Variants in STAC observed in about 807,000 individuals in gnomAD.
The protein encoded by STAC is SH3 and cysteine-rich domain-containing protein.
In STAC, 43 loss-of-function variants were observed where a neutral mutation model predicts 48.8. That is an observed-to-expected ratio of 0.88 (90% confidence interval 0.69 to 1.14). The LOEUF is 1.14. Among genes scored for constraint, STAC ranks in the 50% most tolerant of loss-of-function variants. The pLI is 0.00. For missense variants in STAC, 497 were observed against 504.0 expected (o/e 0.99, Z 0.13); for synonymous variants, 193 against 179.5 (o/e 1.07, Z -0.60).
At chr3:36,468,460 C>A (rs1407075635) in intron 2 of STAC, among the ~76,000 whole-genome samples, 1 of 151,820 alleles carries the variant, frequency 6.6e-6, no homozygotes, top group African/African-American at 2.4e-5. Flanking sequence ...TGTTGACTTT[C>A]TGTCTTAATG....
chr3:36,405,243 T>C (rs1700068115), intron 1 of STAC, among the ~76,000 whole-genome samples: 1 of 152,074 alleles, frequency 6.6e-6, no homozygotes, highest in African/African-American at 2.4e-5. Context: ...CAGCTTTATC[T>C]CCATTCCTAC....
chr3:36,392,553 A>C (rs1490728691), intron 1 of STAC, among the ~76,000 whole-genome samples: 1 of 152,050 alleles, frequency 6.6e-6, no homozygotes, highest in Non-Finnish European at 1.5e-5. Flanking sequence ...TATTTAGTAG[A>C]GATGAGGTCT....
At position 36,528,670 on chromosome 3, in the gene STAC, C is replaced by T. The variant is rs113455666; in HGVS notation, c.921-26C>T. ...GTTATTTTTCTTTTTTTTTCCTTTA[C>T]CTAACTCATTCATTCTTCATTTTAG... is the stretch of plus-strand genomic sequence containing the variant. On this transcript the variant is annotated intron_variant, in intron 8 of 10. Transcript: ENST00000273183. 443 of 1,552,668 alleles carry T rather than the reference C, an allele frequency of 2.9e-4. 1 individual carries two copies. The African/African-American group carries it at 5.3e-3, about 18-fold the overall frequency.
chr3:36,460,835 T>C (rs1172684923), intron 2 of STAC, among the ~76,000 whole-genome samples: 1 of 152,218 alleles, frequency 6.6e-6, no homozygotes, highest in Non-Finnish European at 1.5e-5. Flanking sequence ...TTTTCAAATG[T>C]CTTTCTCATA....
chr3:36,505,615 G>T, intron 7 of STAC, 131 bp from the exon 8 acceptor site: 1 of 580,278 alleles, frequency 1.7e-6, no homozygotes, highest in Non-Finnish European at 3.0e-6. Context: ...CTTTAATAAT[G>T]GTTAGATAAC....
intron 1 of STAC, among the ~76,000 whole-genome samples, chr3:36,407,977 A>G (rs1700117671): frequency 6.6e-6 from 1 of 152,198 alleles, no homozygotes; most frequent in Non-Finnish European, 1.5e-5. Context: ...CTGAGGTCCC[A>G]GTTTTCATGT....
At chr3:36,401,849 G>A (rs1700003912) in intron 1 of STAC, among the ~76,000 whole-genome samples, 1 of 152,168 alleles carries the variant, frequency 6.6e-6, no homozygotes, top group Non-Finnish European at 1.5e-5. Context: ...AAGCAGGTCT[G>A]CAGCATGATC....
intron 10 of STAC, among the ~76,000 whole-genome samples, chr3:36,531,390 C>A (rs1699061877): frequency 6.6e-6 from 1 of 152,072 alleles, no homozygotes; most frequent in Non-Finnish European, 1.5e-5. Flanking sequence ...AACGTTAGGA[C>A]CCTAAGCAAT....
rs1204518889 is a variant in STAC, at chr3:36,462,249, G to A, written c.388+18609G>A. ...TAGATAGGGAAACTGTCTACTATAA[G>A]TTTTGGAGTACGTGAAGTTGTGTAG... On this transcript the variant is annotated intron_variant, in intron 2 of 10. Coordinates refer to ENST00000273183, the MANE Select transcript of STAC (RefSeq NM_003149.3). 3.9e-5 allele frequency among the ~76,000 whole-genome samples: 6 copies of A among 152,116 alleles called. No individual in the cohort carries two copies. In the South Asian group the frequency reaches 6.2e-4, roughly 16 times the overall value.
intron 2 of STAC, among the ~76,000 whole-genome samples, chr3:36,461,843 A>T (rs544908448): frequency 6.6e-6 from 1 of 152,302 alleles, no homozygotes; most frequent in Non-Finnish European, 1.5e-5. Flanking sequence ...TAAAGAATAC[A>T]GAGTAAAGGA....
At chr3:36,416,814 G>C (rs536044074) in intron 1 of STAC, among the ~76,000 whole-genome samples, 1 of 152,268 alleles carries the variant, frequency 6.6e-6, no homozygotes, top group Non-Finnish European at 1.5e-5. Context: ...TATGTGGTCA[G>C]GGAAGCAAAA....
chr3:36,486,809 C>T (rs896701124), intron 5 of STAC, among the ~76,000 whole-genome samples: 3 of 152,216 alleles, frequency 2.0e-5, no homozygotes, highest in Non-Finnish European at 2.9e-5. Context: ...ACTGAGTGTT[C>T]CATGCATCTC....
chr3:36,437,216 G>A (rs1374076249), intron 1 of STAC, among the ~76,000 whole-genome samples: 1 of 150,304 alleles, frequency 6.7e-6, no homozygotes, highest in Admixed American at 6.6e-5. Flanking sequence ...AAGTCAGTGT[G>A]GCGATTCCTC....
At position 36,435,981 on chromosome 3, in the gene STAC, C is replaced by T. The variant is rs572898877; in HGVS notation, c.112-7383C>T. On this transcript the variant is annotated intron_variant, in intron 1 of 10. Transcript: ENST00000273183. ...ATGCCCCAGAGTTCTGTCCTCAGAT[C>T]ACTTCTCCTCCATGTCTGCACTTCA... Among the ~76,000 whole-genome samples, 309 of 152,260 alleles carry T rather than the reference C, an allele frequency of 2.0e-3. 4 individuals carry two copies. Among genetic ancestry groups the T allele is most frequent in the African/African-American group, 7.0e-3 (290 of 41,546 alleles).
At position 36,453,739 on chromosome 3, in the gene STAC, TCCAC is replaced by T. The variant is rs1350718308; in HGVS notation, c.388+10100_388+10103del. Among the ~76,000 whole-genome samples, 130 of 29,038 alleles carry T rather than the reference TCCAC, an allele frequency of 4.5e-3. 56 individuals carry two copies. The highest frequency in any genetic ancestry group is 0.027 in the Middle Eastern group (2 of 74). The allele number at this position is 29,038 out of a possible 152,430, so 19.1% of individuals were successfully genotyped here. A position where few individuals can be genotyped will look rare whatever the true frequency, so the allele number is the denominator to read the frequency against. On this transcript the variant is annotated intron_variant, in intron 2 of 10. Coordinates refer to ENST00000273183, the MANE Select transcript of STAC (RefSeq NM_003149.3). The stretch of plus-strand genomic sequence containing the variant: ...CTCCACCTGCAGCCCCGGTGCGGGA[TCCAC>T]TGGGTGAAGCCAGCTGGGCTCCTGA...
At chr3:36,468,544 G>A (rs1288225065) in intron 2 of STAC, among the ~76,000 whole-genome samples, 1 of 150,744 alleles carries the variant, frequency 6.6e-6, no homozygotes, top group Non-Finnish European at 1.5e-5. Flanking sequence ...CATTTATTAG[G>A]TCTAGTAGTA....
intron 2 of STAC, among the ~76,000 whole-genome samples, chr3:36,454,590 C>T (rs1559498236): frequency 6.6e-6 from 1 of 152,264 alleles, no homozygotes; most frequent in Admixed American, 6.5e-5. Context: ...ATACTATCTC[C>T]CCTCTCCACT....
intron 1 of STAC, among the ~76,000 whole-genome samples, chr3:36,425,205 A>G (rs1700535784): frequency 6.6e-6 from 1 of 152,240 alleles, no homozygotes; most frequent in Admixed American, 6.5e-5. Context: ...TGACCCAGTG[A>G]CAAAAGTTAA....
intron 1 of STAC, among the ~76,000 whole-genome samples, chr3:36,417,683 T>G (rs936755166): frequency 2.0e-5 from 3 of 152,230 alleles, no homozygotes; most frequent in Non-Finnish European, 4.4e-5. Context: ...TCTGTTCACA[T>G]TCTCTTCACC....
Sources: gnomAD v4.1 joint callset for allele counts (sites outside exome capture counted in the v4.1 genomes callset) on GRCh38, gnomAD v4.1.1 for gene constraint, MANE v1.5 for transcripts, NCBI Gene and HGNC (gene_info 2026-07-23, HGNC 2026-07-21) for gene names.